Variants in STX16 observed in about 807,000 individuals in gnomAD.
STX16 encodes the protein syntaxin-16.
STX16 carries 28 observed loss-of-function variants against 42.7 expected under a neutral mutation model. That is an observed-to-expected ratio of 0.66 (90% confidence interval 0.49 to 0.90). The LOEUF (loss-of-function observed/expected upper bound fraction) is 0.90. STX16 is among the 40% of genes least tolerant of loss of function. The pLI is 0.00. For missense variants in STX16, 361 were observed against 420.9 expected (o/e 0.86, Z 1.24); for synonymous variants, 156 against 155.2 (o/e 1.00, Z -0.04).
chr20:58,679,393 T>C lies in STX16; in HGVS notation c.*3102T>C, dbSNP rs573499331. 1.2e-4 allele frequency: 18 copies of C among 152,794 alleles called. No individual in the cohort carries two copies. Among genetic ancestry groups the C allele is most frequent in the African/African-American group, 4.1e-4 (17 of 41,590 alleles). The allele number at this position is 152,794 out of a possible 1,614,324, so 9.5% of individuals were successfully genotyped here. On this transcript the variant is annotated 3_prime_UTR_variant, in exon 9 of 9. Coordinates refer to ENST00000371141, the MANE Select transcript of STX16 (RefSeq NM_001001433.3). The stretch of plus-strand genomic sequence containing the variant: ...TTTCTTGTATGCTTAAATAAAGCAA[T>C]TAGTGAAGCACTTCTATCCAAAATG...
At chr20:58,666,423 G>GTTTTTTTT (rs5842238) in intron 2 of STX16, among the ~76,000 whole-genome samples, 1 of 79,730 alleles carries the variant, frequency 1.3e-5, no homozygotes, top group Non-Finnish European at 2.4e-5. Flanking sequence ...GTGTGTGTGT[G>GTTTTTTTT]TTTTTTTTTT....
intron 1 of STX16, among the ~76,000 whole-genome samples, chr20:58,655,475 C>T (rs370970019): frequency 3.3e-5 from 5 of 152,176 alleles, no homozygotes; most frequent in African/African-American, 1.2e-4. Flanking sequence ...AAGGAGGATA[C>T]GCAGTGACCA....
At chr20:58,659,071 T>G (rs1258433034) in intron 1 of STX16, among the ~76,000 whole-genome samples, 7 of 152,366 alleles carry the variant, frequency 4.6e-5, no homozygotes, top group Admixed American at 3.9e-4. Flanking sequence ...TGCAGAGACC[T>G]TACATATGTG....
chr20:58,665,805 G>A (rs2083811894), intron 2 of STX16, among the ~76,000 whole-genome samples: 1 of 152,180 alleles, frequency 6.6e-6, no homozygotes, highest in South Asian at 2.1e-4. Context: ...GACGTGCTGG[G>A]ATTAGTGAAT....
chr20:58,676,117 T>G, intron 8 of STX16, 70 bp from the exon 9 acceptor site: 1 of 1,321,666 alleles, frequency 7.6e-7, no homozygotes, highest in Admixed American at 1.7e-5. Context: ...AGCCTCATTC[T>G]GGAAACGAGT....
intron 7 of STX16, among the ~76,000 whole-genome samples, chr20:58,672,055 G>A (rs890325383): frequency 3.3e-5 from 5 of 152,076 alleles, no homozygotes; most frequent in African/African-American, 4.8e-5. Flanking sequence ...TATTGTGGCC[G>A]GGCACGGTGG....
At chr20:58,665,163 T>C (rs2083790838) in intron 2 of STX16, among the ~76,000 whole-genome samples, 3 of 152,218 alleles carry the variant, frequency 2.0e-5, no homozygotes, top group Admixed American at 2.0e-4. Flanking sequence ...CAAGTCTGCC[T>C]CTGAGTGCTT....
rs920719467 is a variant in STX16, at chr20:58,677,536, G to T, written c.*1245G>T. 1.3e-5 allele frequency: 2 copies of T among 152,206 alleles called. No individual in the cohort carries two copies. The highest frequency in any genetic ancestry group is 2.9e-5 in the Non-Finnish European group (2 of 68,040). The allele number at this position is 152,206 out of a possible 1,614,324, so 9.4% of individuals were successfully genotyped here. On this transcript the variant is annotated 3_prime_UTR_variant, in exon 9 of 9. Transcript: ENST00000371141. ...TATATTCCTATAACTGTAGAACAGT[G>T]TGGAAAGTGATGGTAACTTTGAAGT...
intron 1 of STX16, chr20:58,652,402 C>A: frequency 1.8e-6 from 1 of 556,070 alleles, no homozygotes; most frequent in Non-Finnish European, 3.3e-6. Context: ...GCCTTGGCGT[C>A]ACTGCGCTAC....
Position 58,677,113 on chromosome 20 carries a change from A to G in STX16, c.*822A>G, listed in dbSNP as rs894198586. 4 of 152,680 alleles carry G rather than the reference A, an allele frequency of 2.6e-5. No homozygotes were observed. The highest frequency in any genetic ancestry group is 2.6e-4 in the Admixed American group (4 of 15,286). 9.5% of individuals were successfully genotyped at this position (152,680 alleles called of 1,614,324 possible). Reference sequence around the variant, plus strand: ...TAAAAGAAAGCTTGACAGTGTTATGAAAGCCACCAGACTCAGCCAGTGTGT... The same window carrying G: ...TAAAAGAAAGCTTGACAGTGTTATGGAAGCCACCAGACTCAGCCAGTGTGT... On this transcript the variant is annotated 3_prime_UTR_variant, in exon 9 of 9. Coordinates refer to ENST00000371141, the MANE Select transcript of STX16 (RefSeq NM_001001433.3).
At chr20:58,670,014 A>T (rs1031253049) in intron 5 of STX16, among the ~76,000 whole-genome samples, 6 of 152,228 alleles carry the variant, frequency 3.9e-5, no homozygotes, top group Non-Finnish European at 1.5e-5. Context: ...TGGGTTTTTT[A>T]AAATTGCCCT....
At position 58,652,020 on chromosome 20, in the gene STX16, G is replaced by A; in HGVS notation, c.14G>A (p.Arg5His). ...AAAGGGTGAGACATGGCCACCAGGCGTTTAACCGACGCTTTCTTGTTGTTG... is the reference window on the plus strand; with the variant it reads ...AAAGGGTGAGACATGGCCACCAGGCATTTAACCGACGCTTTCTTGTTGTTG... MATRRLTDAFLLLRN... is the reference protein window; with the variant it reads MATRHLTDAFLLLRN... The change falls in exon 1 of 9, where the codon CGT becomes CAT. Residue 5 changes from arginine to histidine, a missense_variant. Coordinates refer to ENST00000371141, the MANE Select transcript of STX16 (RefSeq NM_001001433.3). 6.2e-7 allele frequency: 1 copy of A among 1,614,170 alleles called. No individual in the cohort carries two copies. Among genetic ancestry groups the A allele is most frequent in the Non-Finnish European group, 8.5e-7 (1 of 1,179,996 alleles).
chr20:58,655,422 G>T (rs569821478), intron 1 of STX16, among the ~76,000 whole-genome samples: 8 of 152,288 alleles, frequency 5.3e-5, no homozygotes, highest in African/African-American at 1.9e-4. Flanking sequence ...TGCATACAGG[G>T]TTTTGCAGCA....
At chr20:58,659,395 C>G (rs1183350493) in intron 1 of STX16, among the ~76,000 whole-genome samples, 1 of 151,058 alleles carries the variant, frequency 6.6e-6, no homozygotes, top group Non-Finnish European at 1.5e-5. Context: ...AGCTCATTTT[C>G]AAAACAACCA....
chr20:58,674,342 T>A (rs117172295), intron 8 of STX16, among the ~76,000 whole-genome samples: 2,130 of 152,294 alleles, frequency 0.014, 35 homozygotes, highest in South Asian at 0.037. Flanking sequence ...ATCTTATCGG[T>A]TATAAGAAAC....
chr20:58,668,221 C>G lies in STX16; in HGVS notation c.393+94C>G, dbSNP rs2083883673. The stretch of plus-strand genomic sequence containing the variant: ...TTACTCAGAATCAGTCTCCTGGAGT[C>G]ATTTCCCAACCTGAAGTTCTCAGAG... On this transcript the variant is annotated intron_variant, in intron 4 of 8. Transcript: ENST00000371141. 3 of 1,489,868 alleles carry G rather than the reference C, an allele frequency of 2.0e-6. No homozygotes were observed. In the East Asian group the frequency reaches 7.3e-5, roughly 36 times the overall value. 92.3% of individuals were successfully genotyped at this position (1,489,868 alleles called of 1,614,324 possible).
At chr20:58,669,185 T>A in intron 4 of STX16, 106 bp from the exon 5 acceptor site, 1 of 1,193,436 alleles carries the variant, frequency 8.4e-7, no homozygotes, top group Non-Finnish European at 1.2e-6. Flanking sequence ...TAAACCAGAC[T>A]GAGTGAACAG....
intron 2 of STX16, among the ~76,000 whole-genome samples, chr20:58,667,004 A>G (rs2083850484): frequency 6.6e-6 from 1 of 152,176 alleles, no homozygotes; most frequent in South Asian, 2.1e-4. Flanking sequence ...CCTATTTCCA[A>G]AATAAGCTAA....
intron 1 of STX16, among the ~76,000 whole-genome samples, chr20:58,653,435 A>G (rs2083517884): frequency 6.6e-6 from 1 of 152,248 alleles, no homozygotes; most frequent in Non-Finnish European, 1.5e-5. Context: ...GAATAAAAGC[A>G]TGTAAACTCA....
Sources: gnomAD v4.1 joint callset for allele counts (sites outside exome capture counted in the v4.1 genomes callset) on GRCh38, gnomAD v4.1.1 for gene constraint, MANE v1.5 for transcripts, NCBI Gene and HGNC (gene_info 2026-07-23, HGNC 2026-07-21) for gene names.